Variants in FREM3 observed in about 807,000 individuals in gnomAD.
FREM3 encodes FRAS1 related extracellular matrix 3.
Under a neutral mutation model 129.1 loss-of-function variants are expected in FREM3, and 105 were observed. The observed-to-expected ratio is 0.81, with a 90% CI of 0.69 to 0.96. FREM3 has a LOEUF of 0.96. Among genes scored for constraint, FREM3 ranks in the 40% least tolerant of loss-of-function variants. The pLI is 0.00. For synonymous variants in FREM3, 1,014 were observed against 1,044.9 expected, an observed-to-expected ratio of 0.97 and a Z score of 0.57; for missense variants, 2,593 against 2,666.3, an observed-to-expected ratio of 0.97 and a Z score of 0.61.
intron 6 of FREM3, among the ~76,000 whole-genome samples, chr4:143,609,291 G>T (rs886459328): frequency 2.0e-5 from 3 of 152,232 alleles, no homozygotes; most frequent in Admixed American, 2.0e-4. Context: ...CAGTAGAGAA[G>T]AATAACGAAG....
intron 6 of FREM3, among the ~76,000 whole-genome samples, chr4:143,592,411 C>T (rs1738382002): frequency 6.6e-6 from 1 of 151,984 alleles, no homozygotes; most frequent in Non-Finnish European, 1.5e-5. Context: ...GTGCTTCCGT[C>T]AGGAGCTCTT....
rs544875874 is a variant in FREM3, at chr4:143,673,117, T to G, written c.5275+19996A>C. On this transcript the variant is annotated intron_variant, in intron 2 of 7. Coordinates refer to ENST00000329798, the MANE Select transcript of FREM3 (RefSeq NM_001168235.2). ...CGTCAAAGTCATTCTCCATCCAGCT[T>G]TGTTCCACTGCTGGTGAGGAGCTGC... Among the ~76,000 whole-genome samples the G allele has an allele frequency of 4.6e-5, 7 of 152,350 alleles. No homozygotes were observed. In the South Asian group the frequency reaches 1.4e-3, roughly 32 times the overall value.
chr4:143,591,049 A>T (rs568666024), intron 6 of FREM3, among the ~76,000 whole-genome samples: 1 of 152,198 alleles, frequency 6.6e-6, no homozygotes, highest in African/African-American at 2.4e-5. Flanking sequence ...GTATTCTCTG[A>T]TGGTAGCTTT....
At chr4:143,638,515 T>C (rs1739271053) in intron 2 of FREM3, among the ~76,000 whole-genome samples, 1 of 152,174 alleles carries the variant, frequency 6.6e-6, no homozygotes, top group Admixed American at 6.6e-5. Context: ...GCAACTTATT[T>C]AGAGATAAAA....
chr4:143,673,820 A>C (rs571548733), intron 2 of FREM3, among the ~76,000 whole-genome samples: 1 of 152,326 alleles, frequency 6.6e-6, no homozygotes, highest in Non-Finnish European at 1.5e-5. Context: ...CCTCGCTGCC[A>C]TCTTGCAGTT....
At chr4:143,647,166 G>A (rs1222943012) in intron 2 of FREM3, among the ~76,000 whole-genome samples, 3 of 152,228 alleles carry the variant, frequency 2.0e-5, no homozygotes, top group African/African-American at 7.2e-5. Flanking sequence ...TTAGCAAAGA[G>A]ACTGGTGGCA....
rs1196579794 is a variant in FREM3, at chr4:143,696,357, G to T, written c.4319C>A (p.Ala1440Asp). The T allele has an allele frequency of 1.1e-5, 17 of 1,537,310 alleles. No homozygotes were observed. In the South Asian group the frequency reaches 1.9e-4, roughly 17 times the overall value. Residue 1440 changes from alanine to aspartate, a missense_variant, in exon 1 of 8, where the codon GCC (alanine) becomes GAC (aspartate). Ala to Asp is a moderately radical substitution (Grantham distance 126). This residue lies in a region of FREM3 where 2,276 missense variants were observed against 2,267.2 expected (regional missense o/e 1.00). Transcript: ENST00000329798. ...CAGATTGTTGGTAAGGGTCACTCTG[G>T]CACCTTCTATCAAGGTGATCCTTTT... is the stretch of plus-strand genomic sequence containing the variant. Reference protein sequence around the residue: ...ISKRITLIEGARVTLTNNLLT... With the variant: ...ISKRITLIEGDRVTLTNNLLT...
chr4:143,609,627 C>G (rs928836012), intron 6 of FREM3, among the ~76,000 whole-genome samples: 2 of 152,058 alleles, frequency 1.3e-5, no homozygotes, highest in Admixed American at 1.3e-4. Flanking sequence ...CTAATCATAG[C>G]CCTGTAATTA....
intron 5 of FREM3, among the ~76,000 whole-genome samples, chr4:143,615,539 A>G (rs912697442): frequency 3.3e-5 from 5 of 152,118 alleles, no homozygotes; most frequent in African/African-American, 1.2e-4. Flanking sequence ...CTGGAGCAGC[A>G]TGGGAGCGTC....
At chr4:143,647,667 G>T (rs1449729681) in intron 2 of FREM3, among the ~76,000 whole-genome samples, 2 of 152,218 alleles carry the variant, frequency 1.3e-5, no homozygotes, top group East Asian at 1.9e-4. Context: ...TACATATAGT[G>T]TTGGGCTTGT....
chr4:143,633,574 G>A (rs1218934253), intron 2 of FREM3, among the ~76,000 whole-genome samples: 1 of 152,146 alleles, frequency 6.6e-6, no homozygotes, highest in Non-Finnish European at 1.5e-5. Flanking sequence ...AGAAGACATT[G>A]AATAGTGAAG....
At chr4:143,628,063 T>C (rs1312115425) in intron 2 of FREM3, among the ~76,000 whole-genome samples, 1 of 152,172 alleles carries the variant, frequency 6.6e-6, no homozygotes, top group East Asian at 1.9e-4. Flanking sequence ...CAGGTCATAC[T>C]CAACACCTCT....
chr4:143,609,901 C>CAG (rs1738726467), intron 6 of FREM3, among the ~76,000 whole-genome samples: 1 of 152,186 alleles, frequency 6.6e-6, no homozygotes, highest in Non-Finnish European at 1.5e-5. Context: ...TCGAATGAAA[C>CAG]TGGAAAATCA....
intron 7 of FREM3, among the ~76,000 whole-genome samples, chr4:143,578,544 G>C (rs1022997851): frequency 6.6e-6 from 1 of 152,074 alleles, no homozygotes. Flanking sequence ...AAGGAAAAAA[G>C]GGAATATAAT....
intron 6 of FREM3, among the ~76,000 whole-genome samples, chr4:143,593,525 C>G (rs1229551609): frequency 1.3e-5 from 2 of 152,196 alleles, no homozygotes; most frequent in East Asian, 1.9e-4. Context: ...GCCTGGGTAT[C>G]AGCAGCGGTG....
intron 6 of FREM3, among the ~76,000 whole-genome samples, chr4:143,589,528 T>G (rs1398009310): frequency 2.0e-5 from 3 of 152,294 alleles, no homozygotes; most frequent in South Asian, 2.1e-4. Flanking sequence ...TTTTCTCAGG[T>G]TTGGCAAAGA....
intron 6 of FREM3, among the ~76,000 whole-genome samples, chr4:143,592,816 T>G (rs1438688380): frequency 1.3e-5 from 2 of 152,216 alleles, no homozygotes; most frequent in Non-Finnish European, 2.9e-5. Flanking sequence ...TTCTCCTGGA[T>G]AATATCCTGC....
At chr4:143,680,820 T>A (rs1446214310) in intron 2 of FREM3, among the ~76,000 whole-genome samples, 1 of 152,260 alleles carries the variant, frequency 6.6e-6, no homozygotes, top group African/African-American at 2.4e-5. Flanking sequence ...TTTAACTGCA[T>A]GGAGAGATTA....
At chr4:143,685,705 T>C (rs1025527348) in intron 2 of FREM3, among the ~76,000 whole-genome samples, 5 of 152,202 alleles carry the variant, frequency 3.3e-5, no homozygotes. Context: ...ATGATCTAAA[T>C]GCTCCACTTA....
Sources: allele counts gnomAD v4.1 joint callset (sites outside exome capture counted in the v4.1 genomes callset), GRCh38; gene constraint gnomAD v4.1.1; regional missense constraint gnomAD v4.1.1; transcripts MANE v1.5; gene names NCBI Gene and HGNC (gene_info 2026-07-23, HGNC 2026-07-21).